Variants in CCDC68 observed in about 807,000 individuals in gnomAD.
The protein encoded by CCDC68 is coiled-coil domain-containing protein 68.
A neutral mutation model predicts 47.1 loss-of-function variants in CCDC68; 45 were observed. That is an observed-to-expected ratio of 0.96 (90% confidence interval 0.75 to 1.23). The LOEUF is 1.23. CCDC68 is among the 50% of genes most tolerant of loss of function. The pLI, the probability that CCDC68 is intolerant of heterozygous loss-of-function variation, is 0.00. For missense variants in CCDC68, 353 were observed against 373.6 expected (o/e 0.94, Z 0.45); for synonymous variants, 131 against 129.5 (o/e 1.01, Z -0.08).
chr18:54,955,183 T>A (rs1206388258), intron 1 of CCDC68, among the ~76,000 whole-genome samples: 1 of 152,052 alleles, frequency 6.6e-6, no homozygotes, highest in East Asian at 1.9e-4. Flanking sequence ...TAGCTAGGCA[T>A]GGTGCCACAT....
In CCDC68 at chr18:54,933,863, A is replaced by G. The variant is rs573091420; in HGVS notation, c.600+957T>C. ...AAGACTACAAATTCAACCAAATCAC[A>G]ATGTCATAAAACTTTAAATTCTTGG... On this transcript the variant is annotated intron_variant, in intron 7 of 11. Transcript: ENST00000591504. Among the ~76,000 whole-genome samples, 7 of 152,370 alleles carry G rather than the reference A, an allele frequency of 4.6e-5. No homozygotes were observed. In the South Asian group the frequency reaches 1.2e-3, roughly 27 times the overall value.
intron 7 of CCDC68, among the ~76,000 whole-genome samples, chr18:54,933,287 G>A (rs949962169): frequency 3.9e-5 from 6 of 151,904 alleles, no homozygotes. Context: ...TCACCATGTT[G>A]GCCAGGATGG....
chr18:54,943,973 T>C (rs979796349), intron 2 of CCDC68, among the ~76,000 whole-genome samples: 1 of 152,116 alleles, frequency 6.6e-6, no homozygotes, highest in African/African-American at 2.4e-5. Flanking sequence ...CTGGCCAACA[T>C]GGTGGAACCC....
chr18:54,905,409 A>AGAAGGAAGGAAGGAAGGAAGGAAGGGAG (rs35996831), intron 11 of CCDC68, among the ~76,000 whole-genome samples: 1 of 107,722 alleles, frequency 9.3e-6, no homozygotes, highest in Non-Finnish European at 1.8e-5. Flanking sequence ...AAGGAAGGGA[A>AGAAGGAAGGAAGGAAGGAAGGAAGGGAG]GAAGGAAGGA....
chr18:54,908,887 T>G (rs181877328), intron 10 of CCDC68, among the ~76,000 whole-genome samples: 118 of 152,234 alleles, frequency 7.8e-4, no homozygotes, highest in African/African-American at 2.8e-3. Flanking sequence ...TTTTTGTATT[T>G]TGGGTAGAGA....
At chr18:54,958,438 A>T (rs142541273) in intron 1 of CCDC68, among the ~76,000 whole-genome samples, 66 of 152,334 alleles carry the variant, frequency 4.3e-4, no homozygotes, top group Middle Eastern at 3.4e-3. Flanking sequence ...AAAAGAACAG[A>T]TTATCTCCTC....
At chr18:54,936,240 TATATAGTTATATATATTTAAAA>T (rs2044344293) in intron 6 of CCDC68, among the ~76,000 whole-genome samples, 6 of 141,996 alleles carry the variant, frequency 4.2e-5, no homozygotes, top group South Asian at 4.4e-4. Context: ...TTTTAAAAAA[TATATAGTTATATATATTTAAAA>T]ATATATAGTT....
At chr18:54,941,274 G>A (rs1483822679) in intron 3 of CCDC68, among the ~76,000 whole-genome samples, 191 bp from the exon 4 acceptor site, 2 of 152,118 alleles carry the variant, frequency 1.3e-5, no homozygotes, top group African/African-American at 2.4e-5. Flanking sequence ...ATTGCTGAAG[G>A]TAAGCATTTG....
Position 54,901,592 on chromosome 18 carries a change from T to C in CCDC68, c.*2766A>G, listed in dbSNP as rs914226445. ...TCAATTTTCTTTATGGTAAGGCATA[T>C]TATAAGCAATTATTCAAAAGATATA... On this transcript the variant is annotated 3_prime_UTR_variant, in exon 12 of 12. Coordinates refer to ENST00000591504, the MANE Select transcript of CCDC68 (RefSeq NM_025214.3). 6.6e-6 allele frequency: 1 copy of C among 152,190 alleles called. No individual in the cohort carries two copies. The highest frequency in any genetic ancestry group is 2.4e-5 in the African/African-American group (1 of 41,454). The allele number at this position is 152,190 out of a possible 1,614,324, so 9.4% of individuals were successfully genotyped here. A position where few individuals can be genotyped will look rare whatever the true frequency, so the allele number is the denominator to read the frequency against.
intron 10 of CCDC68, among the ~76,000 whole-genome samples, chr18:54,912,088 T>G (rs1914402436): frequency 6.6e-6 from 1 of 152,336 alleles, no homozygotes; most frequent in Admixed American, 6.5e-5. Context: ...AATTTTTGCA[T>G]ACTTAATATT....
intron 4 of CCDC68, among the ~76,000 whole-genome samples, chr18:54,940,149 A>C (rs1300538100): frequency 6.6e-6 from 1 of 152,152 alleles, no homozygotes; most frequent in Non-Finnish European, 1.5e-5. Context: ...CTCCAGTTTC[A>C]GAACTTTAAA....
At chr18:54,957,631 T>A (rs539253770) in intron 1 of CCDC68, among the ~76,000 whole-genome samples, 2,602 of 136,688 alleles carry the variant, frequency 0.019, 71 homozygotes, top group African/African-American at 0.064. Flanking sequence ...ACACACACTC[T>A]CTCTCTCTCT....
chr18:54,918,065 T>G (rs1485168396), intron 9 of CCDC68, 69 bp from the exon 10 acceptor site: 1 of 671,928 alleles, frequency 1.5e-6, no homozygotes, highest in African/African-American at 1.9e-5. Flanking sequence ...AAGTCAGAAA[T>G]TGTATGGATT....
At chr18:54,909,655 C>T (rs1460063837) in intron 10 of CCDC68, among the ~76,000 whole-genome samples, 1 of 152,218 alleles carries the variant, frequency 6.6e-6, no homozygotes, top group Non-Finnish European at 1.5e-5. Flanking sequence ...GGTCCGGCCA[C>T]TGTGTATAGT....
chr18:54,948,386 G>T (rs570949062), intron 1 of CCDC68, among the ~76,000 whole-genome samples: 1 of 152,252 alleles, frequency 6.6e-6, no homozygotes, highest in African/African-American at 2.4e-5. Context: ...AAGCAGGGGA[G>T]AGGCATGAAA....
chr18:54,921,616 A>T (rs1389708105), intron 8 of CCDC68, among the ~76,000 whole-genome samples: 1 of 152,190 alleles, frequency 6.6e-6, no homozygotes, highest in Non-Finnish European at 1.5e-5. Context: ...GAAAGAGAAG[A>T]CACAAAATGA....
chr18:54,914,383 T>C (rs1213261566), intron 10 of CCDC68, among the ~76,000 whole-genome samples: 1 of 152,082 alleles, frequency 6.6e-6, no homozygotes, highest in Non-Finnish European at 1.5e-5. Flanking sequence ...TTTGGGAGGC[T>C]GAGACAGGAG....
chr18:54,904,323 G>C lies in CCDC68; in HGVS notation c.*35C>G. ...GTTTCAGAGAATAAATAAGACTCACGCAGTCTTTCTAAATCAGATCTTCAT... is the reference window on the plus strand; with the variant it reads ...GTTTCAGAGAATAAATAAGACTCACCCAGTCTTTCTAAATCAGATCTTCAT... On this transcript the variant is annotated 3_prime_UTR_variant, in exon 12 of 12. Transcript: ENST00000591504. 6.7e-7 allele frequency: 1 copy of C among 1,496,114 alleles called. No homozygotes were observed. The highest frequency in any genetic ancestry group is 1.1e-5 in the South Asian group (1 of 88,046). The allele number at this position is 1,496,114 out of a possible 1,614,324, so 92.7% of individuals were successfully genotyped here.
rs559353777 is a variant in CCDC68 at position 54,911,511 on chromosome 18, A to G, written c.874-3649T>C. Among the ~76,000 whole-genome samples, 14 of 152,344 alleles carry G rather than the reference A, an allele frequency of 9.2e-5. No homozygotes were observed. The East Asian group carries it at 2.3e-3, about 25-fold the overall frequency. On this transcript the variant is annotated intron_variant, in intron 10 of 11. Coordinates refer to ENST00000591504, the MANE Select transcript of CCDC68 (RefSeq NM_025214.3). The stretch of plus-strand genomic sequence containing the variant: ...CATGCAATCATCATTTCACTGTGAA[A>G]TTTCAAGAGTGAAGCTAAGTTTCAC...
Sources: allele counts gnomAD v4.1 joint callset (sites outside exome capture counted in the v4.1 genomes callset), GRCh38; gene constraint gnomAD v4.1.1; transcripts MANE v1.5; gene names NCBI Gene and HGNC (gene_info 2026-07-23, HGNC 2026-07-21).